Variants in PTPRM observed in about 807,000 individuals in gnomAD.
PTPRM encodes receptor-type tyrosine-protein phosphatase mu.
Under a neutral mutation model 186.7 loss-of-function variants are expected in PTPRM, and 47 were observed. That is an observed-to-expected ratio of 0.25 (90% CI 0.20 to 0.32). PTPRM has a LOEUF of 0.32. Ranked by LOEUF, PTPRM falls within the 10% of genes least tolerant of loss-of-function variation. PTPRM has a pLI of 1.00. For missense variants in PTPRM, 1,494 were observed against 1,865.0 expected (o/e 0.80, Z 3.66); for synonymous variants, 668 against 674.9 (o/e 0.99, Z 0.16).
chr18:7,802,905 A>G (rs1033572807), intron 2 of PTPRM, among the ~76,000 whole-genome samples: 1 of 152,350 alleles, frequency 6.6e-6, no homozygotes, highest in East Asian at 1.9e-4. Flanking sequence ...CTGGGGATAT[A>G]GACAAATAAT....
chr18:8,129,598 G>C (rs1034155643), intron 13 of PTPRM, among the ~76,000 whole-genome samples: 4 of 152,200 alleles, frequency 2.6e-5, no homozygotes, highest in Non-Finnish European at 5.9e-5. Context: ...CGTTGTGGTT[G>C]ACTTTGGATT....
intron 1 of PTPRM, among the ~76,000 whole-genome samples, chr18:7,660,066 T>C (rs1270024924): frequency 1.3e-5 from 2 of 152,014 alleles, no homozygotes; most frequent in African/African-American, 4.8e-5. Flanking sequence ...TCTGGCTGGG[T>C]GCAGTGGCTC....
intron 22 of PTPRM, among the ~76,000 whole-genome samples, chr18:8,324,973 C>G (rs150637606): frequency 6.6e-6 from 1 of 152,326 alleles, no homozygotes; most frequent in East Asian, 1.9e-4. Context: ...TGACCTGTTA[C>G]TGTTTTTGAG....
At chr18:8,262,089 G>A (rs183557137) in intron 19 of PTPRM, among the ~76,000 whole-genome samples, 9 of 152,026 alleles carry the variant, frequency 5.9e-5, no homozygotes, top group Non-Finnish European at 1.2e-4. Flanking sequence ...GATATTTCAC[G>A]GTTGCCATTG....
chr18:7,617,596 T>C (rs2037836828), intron 1 of PTPRM, among the ~76,000 whole-genome samples: 1 of 152,196 alleles, frequency 6.6e-6, no homozygotes, highest in Non-Finnish European at 1.5e-5. Context: ...TTAGAAGTTA[T>C]TTGCTTAATT....
At chr18:8,319,255 T>C (rs2095330404) in intron 22 of PTPRM, 41 bp downstream of exon 22, 4 of 1,444,126 alleles carry the variant, frequency 2.8e-6, no homozygotes, top group Non-Finnish European at 3.9e-6. Flanking sequence ...TTGTTTCTTT[T>C]GCCCACTTCC....
At chr18:8,149,108 A>G (rs115301516) in intron 14 of PTPRM, among the ~76,000 whole-genome samples, 2,296 of 152,154 alleles carry the variant, frequency 0.015, 50 homozygotes, top group African/African-American at 0.053. Context: ...GATGAGGTGA[A>G]AAGAAGAATG....
chr18:8,388,956 A>G (rs2095794985), intron 31 of PTPRM, among the ~76,000 whole-genome samples: 1 of 151,540 alleles, frequency 6.6e-6, no homozygotes, highest in Non-Finnish European at 1.5e-5. Flanking sequence ...GCGAGACTCC[A>G]TCTCAAAGAA....
chr18:7,942,470 T>G (rs557482890), intron 5 of PTPRM, among the ~76,000 whole-genome samples: 4 of 151,968 alleles, frequency 2.6e-5, no homozygotes, highest in Non-Finnish European at 5.9e-5. Flanking sequence ...TTTGTTCAGA[T>G]TCTCTGTGGC....
chr18:8,342,086 G>A (rs542542301), intron 22 of PTPRM, among the ~76,000 whole-genome samples: 1 of 152,302 alleles, frequency 6.6e-6, no homozygotes, highest in South Asian at 2.1e-4. Context: ...AATTTGTGTT[G>A]TGGAGAGAAA....
At chr18:7,683,873 A>T (rs1376905607) in intron 1 of PTPRM, among the ~76,000 whole-genome samples, 3 of 152,124 alleles carry the variant, frequency 2.0e-5, no homozygotes, top group Admixed American at 6.5e-5. Context: ...CCCCAGGCTC[A>T]TTCAGGTTGT....
chr18:8,392,552 A>G (rs669439), intron 31 of PTPRM, among the ~76,000 whole-genome samples: 14 of 151,898 alleles, frequency 9.2e-5, no homozygotes, highest in Admixed American at 3.3e-4. Flanking sequence ...GCGTGAACCC[A>G]GGAGGCAGAG....
intron 1 of PTPRM, among the ~76,000 whole-genome samples, chr18:7,661,445 C>G (rs568441738): frequency 1.9e-4 from 29 of 152,298 alleles, no homozygotes; most frequent in African/African-American, 7.0e-4. Flanking sequence ...CTGAATTCTC[C>G]ACAGGGAATG....
At chr18:7,866,683 T>C (rs1163744281) in intron 2 of PTPRM, among the ~76,000 whole-genome samples, 1 of 152,184 alleles carries the variant, frequency 6.6e-6, no homozygotes, top group East Asian at 1.9e-4. Flanking sequence ...GGTGGAGAGT[T>C]CTGTAAATGT....
chr18:8,208,128 T>C (rs2093954530), intron 14 of PTPRM, among the ~76,000 whole-genome samples: 1 of 152,212 alleles, frequency 6.6e-6, no homozygotes, highest in African/African-American at 2.4e-5. Flanking sequence ...TAAGCTGAGC[T>C]CTTTCAGACT....
At chr18:7,728,052 TCTGGC>T (rs1207521562) in intron 1 of PTPRM, among the ~76,000 whole-genome samples, 1 of 152,230 alleles carries the variant, frequency 6.6e-6, no homozygotes, top group Non-Finnish European at 1.5e-5. Flanking sequence ...GTCTCTGGTC[TCTGGC>T]CTATTCTTTG....
intron 3 of PTPRM, among the ~76,000 whole-genome samples, chr18:7,899,969 C>G (rs1222775045): frequency 1.3e-5 from 2 of 152,128 alleles, no homozygotes; most frequent in Non-Finnish European, 2.9e-5. Flanking sequence ...GGGACAGGGT[C>G]TTCTTCTCAT....
chr18:7,861,889 G>A (rs1336614460), intron 2 of PTPRM, among the ~76,000 whole-genome samples: 1 of 152,106 alleles, frequency 6.6e-6, no homozygotes, highest in Middle Eastern at 3.2e-3. Context: ...TATGTAGGCT[G>A]TATATTTGAT....
chr18:7,703,463 CCT>C (rs2040009420), intron 1 of PTPRM, among the ~76,000 whole-genome samples: 1 of 152,016 alleles, frequency 6.6e-6, no homozygotes, highest in Non-Finnish European at 1.5e-5. Context: ...TCATGGTTTG[CCT>C]CTCTGTTGGT....
Sources: allele counts gnomAD v4.1 joint callset (sites outside exome capture counted in the v4.1 genomes callset), GRCh38; gene constraint gnomAD v4.1.1; transcripts MANE v1.5; gene names NCBI Gene and HGNC (gene_info 2026-07-23, HGNC 2026-07-21).